Variants in DDX19A observed in about 807,000 individuals in gnomAD.
DDX19A encodes the protein ATP-dependent RNA helicase DDX19A.
In DDX19A, 12 loss-of-function variants were observed where a neutral mutation model predicts 60.6. The observed-to-expected ratio is 0.20, with a 90% CI of 0.13 to 0.32. The LOEUF (loss-of-function observed/expected upper bound fraction) is 0.32. DDX19A is among the 10% of genes least tolerant of loss of function. The probability of loss-of-function intolerance (pLI) is 1.00; values close to 1 mark genes in which losing one functional copy is unlikely to be tolerated. For synonymous variants in DDX19A, 206 were observed against 218.2 expected (o/e 0.94, Z 0.49); for missense variants, 337 against 600.6 (o/e 0.56, Z 4.59).
intron 1 of DDX19A, among the ~76,000 whole-genome samples, chr16:70,349,849 A>G (rs1963959723): frequency 6.6e-6 from 1 of 152,220 alleles, no homozygotes; most frequent in Admixed American, 6.5e-5. Flanking sequence ...CTAAGCATCC[A>G]GCTTATCAGA....
chr16:70,370,993 C>T, intron 10 of DDX19A: 1 of 312,428 alleles, frequency 3.2e-6, no homozygotes. Flanking sequence ...GAAACTCCGT[C>T]TCAAAAATAA....
chr16:70,365,618 TAAA>T, intron 7 of DDX19A: 3 of 173,830 alleles, frequency 1.7e-5, no homozygotes, highest in Non-Finnish European at 2.3e-5. Context: ...AGACAAAAAA[TAAA>T]AAAAAAAAAA....
intron 5 of DDX19A, 66 bp downstream of exon 5, chr16:70,361,576 T>C (rs1964364731): frequency 7.4e-7 from 1 of 1,358,812 alleles, no homozygotes; most frequent in Admixed American, 1.9e-5. Flanking sequence ...AACTGCGTTT[T>C]TGTGCCTGAG....
At chr16:70,359,518 T>C (rs1057497034) in intron 4 of DDX19A, among the ~76,000 whole-genome samples, 2 of 152,176 alleles carry the variant, frequency 1.3e-5, no homozygotes, top group Non-Finnish European at 2.9e-5. Flanking sequence ...GTAAATGCAA[T>C]GTAAGAGCAA....
intron 6 of DDX19A, 78 bp downstream of exon 6, chr16:70,364,723 G>T: frequency 9.1e-7 from 1 of 1,094,924 alleles, no homozygotes; most frequent in Non-Finnish European, 1.4e-6. Flanking sequence ...AGTAACGAGA[G>T]GTCTGAAGCT....
Position 70,350,591 on chromosome 16 carries a change from A to G in DDX19A, c.92A>G (p.Lys31Arg). The change falls in exon 2 of 12, where the codon AAA becomes AGA. Residue 31 changes from lysine (K) to arginine (R), a missense_variant. Coordinates refer to ENST00000302243, the MANE Select transcript of DDX19A (RefSeq NM_018332.5). Reference sequence around the variant, plus strand: ...TTGCAGATCAAGGAAGAGAAAGTCAAAGCAGATACCAATGGTGAGTCACTA... The same window carrying G: ...TTGCAGATCAAGGAAGAGAAAGTCAGAGCAGATACCAATGGTGAGTCACTA... ...TNLQIKEEKVKADTNGIIKTS... is the reference protein window; with the variant it reads ...TNLQIKEEKVRADTNGIIKTS... 6.2e-7 allele frequency: 1 copy of G among 1,612,468 alleles called. No homozygotes were observed. Among genetic ancestry groups the G allele is most frequent in the African/African-American group, 1.3e-5 (1 of 75,002 alleles).
chr16:70,367,224 C>T (rs988696320), intron 9 of DDX19A, among the ~76,000 whole-genome samples: 5 of 151,072 alleles, frequency 3.3e-5, no homozygotes, highest in African/African-American at 9.7e-5. Flanking sequence ...GTCAGGAGAT[C>T]GAGACCATCC....
intron 5 of DDX19A, among the ~76,000 whole-genome samples, chr16:70,362,013 CA>C (rs1423444682): frequency 6.7e-5 from 10 of 149,696 alleles, no homozygotes; most frequent in South Asian, 2.1e-4. Context: ...TTACTAAAAT[CA>C]AAAAAAAAAA....
intron 2 of DDX19A, among the ~76,000 whole-genome samples, chr16:70,351,484 G>A (rs567650711): frequency 6.6e-6 from 1 of 152,080 alleles, no homozygotes; most frequent in Admixed American, 6.6e-5. Flanking sequence ...TGGGATTACA[G>A]GCATGAGTCA....
intron 5 of DDX19A, among the ~76,000 whole-genome samples, chr16:70,362,177 A>G (rs1964381452): frequency 6.6e-6 from 1 of 150,734 alleles, no homozygotes; most frequent in African/African-American, 2.4e-5. Flanking sequence ...GTCTCAAAAA[A>G]AAAAAAAAAC....
chr16:70,360,344 A>G (rs1424306363), intron 4 of DDX19A, among the ~76,000 whole-genome samples: 1 of 120,428 alleles, frequency 8.3e-6, no homozygotes, highest in Non-Finnish European at 1.7e-5. Context: ...TTTTTAAGAG[A>G]TGACCTGGCC....
rs755404596 is a variant in DDX19A, at chr16:70,371,963, G to A, written c.1414G>A (p.Glu472Lys). The A allele has an allele frequency of 1.2e-5, 20 of 1,613,846 alleles. No homozygotes were observed. In the Admixed American group the frequency reaches 1.5e-4, roughly 12 times the overall value. The part of the protein sequence containing the change: ...IERLDTDDLD[E>K]IEKIAN ...AAGATTGGACACAGATGATTTGGACGAGATTGAGAAAATAGCCAACTGAGA... is the reference window on the plus strand; with the variant it reads ...AAGATTGGACACAGATGATTTGGACAAGATTGAGAAAATAGCCAACTGAGA... The change falls in exon 12 of 12, where the codon GAG (glutamate) becomes AAG (lysine). Residue 472 changes from glutamate to lysine, a missense_variant. Glu to Lys is a moderately conservative substitution (Grantham distance 56). Transcript: ENST00000302243.
chr16:70,371,109 G>A, intron 10 of DDX19A: 1 of 609,480 alleles, frequency 1.6e-6, no homozygotes, highest in Middle Eastern at 4.5e-4. Context: ...TACTCTTCCA[G>A]GGGCGCCCAT....
intron 5 of DDX19A, 110 bp from the exon 6 acceptor site, chr16:70,364,433 A>C: frequency 1.3e-6 from 1 of 772,928 alleles, no homozygotes; most frequent in Non-Finnish European, 2.2e-6. Context: ...AAACCTGGGT[A>C]ATATAGAGAA....
chr16:70,361,599 T>C (rs1340780813), intron 5 of DDX19A, 89 bp downstream of exon 5: 7 of 989,190 alleles, frequency 7.1e-6, no homozygotes, highest in South Asian at 2.7e-5. Flanking sequence ...CAGAAGGAGC[T>C]GTTTGGGGCC....
In DDX19A at chr16:70,361,490, A is replaced by C. The variant is rs770855681; in HGVS notation, c.366A>C (p.Leu122Phe). ...NRPSKIQENALPMMLAEPPQN... is the reference protein window; with the variant it reads ...NRPSKIQENAFPMMLAEPPQN... ...CCTCCAAGATACAAGAGAACGCATTACCCATGATGCTTGCTGAACCGTGAG... is the reference window on the plus strand; with the variant it reads ...CCTCCAAGATACAAGAGAACGCATTCCCCATGATGCTTGCTGAACCGTGAG... The change falls in exon 5 of 12, where the codon TTA (leucine) becomes TTC (phenylalanine). Residue 122 changes from leucine (L) to phenylalanine (F), a missense_variant. Leu to Phe is a conservative substitution (Grantham distance 22). Coordinates refer to ENST00000302243, the MANE Select transcript of DDX19A (RefSeq NM_018332.5). 1 of 1,612,484 alleles carries C rather than the reference A, an allele frequency of 6.2e-7. No homozygotes were observed. Among genetic ancestry groups the C allele is most frequent in the South Asian group, 1.1e-5 (1 of 91,060 alleles).
chr16:70,359,088 C>G (rs1964299343), intron 4 of DDX19A, among the ~76,000 whole-genome samples: 1 of 152,204 alleles, frequency 6.6e-6, no homozygotes, highest in Non-Finnish European at 1.5e-5. Flanking sequence ...GACAGGTTCT[C>G]TCTGATTTAG....
In DDX19A at chr16:70,373,248, A is replaced by T. The variant is rs2047309085; in HGVS notation, c.*1262A>T. The T allele has an allele frequency of 6.6e-6, 1 of 152,158 alleles. No homozygotes were observed. Among genetic ancestry groups the T allele is most frequent in the Non-Finnish European group, 1.5e-5 (1 of 68,030 alleles). 9.4% of individuals were successfully genotyped at this position (152,158 alleles called of 1,614,324 possible). ...ACCCCGACTCAATAAATAAATAAGG[A>T]TGGATAAATTGTAGCGTATGCACCA... On this transcript the variant is annotated 3_prime_UTR_variant, in exon 12 of 12. Coordinates refer to ENST00000302243, the MANE Select transcript of DDX19A (RefSeq NM_018332.5).
chr16:70,368,398 G>C (rs1964582131), intron 9 of DDX19A, among the ~76,000 whole-genome samples: 1 of 151,548 alleles, frequency 6.6e-6, no homozygotes, highest in Non-Finnish European at 1.5e-5. Context: ...CCAGCCTCCA[G>C]AGTAGCTGGG....
Sources: allele counts gnomAD v4.1 joint callset (sites outside exome capture counted in the v4.1 genomes callset), GRCh38; gene constraint gnomAD v4.1.1; transcripts MANE v1.5; gene names NCBI Gene and HGNC (gene_info 2026-07-23, HGNC 2026-07-21).